The following GMDS variants were observed in gnomAD, a reference collection of about 807,000 sequenced individuals.
The protein encoded by GMDS is GDP-mannose 4,6-dehydratase.
In GMDS, 20 loss-of-function variants were observed where a neutral mutation model predicts 49.9. The ratio of observed to expected loss-of-function variants is 0.40; its 90% CI spans 0.28 to 0.58. The LOEUF is 0.58. Among genes scored for constraint, GMDS ranks in the 20% least tolerant of loss-of-function variants. GMDS has a pLI of 0.42. For synonymous variants in GMDS, 177 were observed against 178.6 expected, an observed-to-expected ratio of 0.99 and a Z score of 0.07; for missense variants, 362 against 481.4, an observed-to-expected ratio of 0.75 and a Z score of 2.32.
At chr6:2,058,126 A>G (rs1044163138) in intron 4 of GMDS, among the ~76,000 whole-genome samples, 43 of 152,200 alleles carry the variant, frequency 2.8e-4, no homozygotes, top group African/African-American at 9.9e-4. Context: ...TGGAAGGCCA[A>G]GGCAGGCGGA....
intron 1 of GMDS, among the ~76,000 whole-genome samples, chr6:2,161,947 TA>T (rs1232077274): frequency 1.3e-5 from 2 of 152,186 alleles, no homozygotes; most frequent in African/African-American, 4.8e-5. Flanking sequence ...TTGCCACAGA[TA>T]AGCTACAATA....
At chr6:1,671,952 C>T (rs1402837619) in intron 9 of GMDS, among the ~76,000 whole-genome samples, 4 of 152,170 alleles carry the variant, frequency 2.6e-5, no homozygotes, top group East Asian at 1.9e-4. Flanking sequence ...CGTGAACCAC[C>T]GCGCCTGGCC....
rs1452913912 is a variant in GMDS at position 1,742,603 on chromosome 6, G to A, written c.772-17C>T. The A allele has an allele frequency of 3.6e-6, 5 of 1,402,242 alleles. No individual in the cohort carries two copies. Among genetic ancestry groups the A allele is most frequent in the Non-Finnish European group, 5.0e-6 (5 of 990,416 alleles). 86.9% of individuals were successfully genotyped at this position (1,402,242 alleles called of 1,614,324 possible). A position where few individuals can be genotyped will look rare whatever the true frequency, so the allele number is the denominator to read the frequency against. On this transcript the variant is annotated splice_polypyrimidine_tract_variant and intron_variant, in intron 7 of 10. Transcript: ENST00000380815. ...CCACATAGCCTAGAGGGAAAGAGAG[G>A]CAAGTTCACTTTGAAGTCACACTCA... is the stretch of plus-strand genomic sequence containing the variant.
intron 1 of GMDS, among the ~76,000 whole-genome samples, chr6:2,231,547 G>C (rs765674747): frequency 6.6e-5 from 10 of 152,114 alleles, no homozygotes; most frequent in Non-Finnish European, 1.0e-4. Flanking sequence ...CTGGGCAATA[G>C]AGCCAGACCT....
intron 4 of GMDS, among the ~76,000 whole-genome samples, chr6:2,007,300 C>T (rs899836781): frequency 6.6e-6 from 1 of 152,070 alleles, no homozygotes; most frequent in African/African-American, 2.4e-5. Context: ...GCAAGTAATA[C>T]CATTACAGCA....
chr6:2,183,808 A>G (rs139408334), intron 1 of GMDS, among the ~76,000 whole-genome samples: 7 of 152,302 alleles, frequency 4.6e-5, no homozygotes, highest in African/African-American at 1.7e-4. Context: ...AGCAGCCACT[A>G]AAAGGGAGGC....
chr6:1,789,525 C>CTTTTT (rs1318382697), intron 7 of GMDS, among the ~76,000 whole-genome samples: 1 of 112,764 alleles, frequency 8.9e-6, no homozygotes, highest in Non-Finnish European at 1.8e-5. Flanking sequence ...TTTTCTTTTT[C>CTTTTT]TTTTTTCTTT....
At chr6:1,949,064 A>G in intron 6 of GMDS, 15 of 970,500 alleles carry the variant, frequency 1.5e-5, no homozygotes, top group Non-Finnish European at 1.8e-5. Context: ...TTCACTTTGG[A>G]AGGGAAGGAG....
chr6:2,187,068 T>A (rs1168827485), intron 1 of GMDS, among the ~76,000 whole-genome samples: 1 of 152,230 alleles, frequency 6.6e-6, no homozygotes, highest in Non-Finnish European at 1.5e-5. Flanking sequence ...TTGTGTATAT[T>A]GTATGAATTT....
At chr6:2,143,991 G>A (rs1395044224) in intron 1 of GMDS, among the ~76,000 whole-genome samples, 1 of 152,186 alleles carries the variant, frequency 6.6e-6, no homozygotes. Context: ...AAACAGCAAT[G>A]CAGTAAATAA....
At chr6:1,641,592 C>T (rs1434873375) in intron 9 of GMDS, among the ~76,000 whole-genome samples, 1 of 152,202 alleles carries the variant, frequency 6.6e-6, no homozygotes, top group Non-Finnish European at 1.5e-5. Context: ...GGAGCAGGCA[C>T]AGAAGGTCCC....
In GMDS at chr6:1,640,191, A is replaced by G. The variant is rs1017941097; in HGVS notation, c.988-15651T>C. 6.6e-6 allele frequency among the ~76,000 whole-genome samples: 1 copy of G among 152,102 alleles called. No homozygotes were observed. Among genetic ancestry groups the G allele is most frequent in the African/African-American group, 2.4e-5 (1 of 41,422 alleles). On this transcript the variant is annotated intron_variant, in intron 9 of 10. Transcript: ENST00000380815. The surrounding 1 kb of genome is among the most constrained non-coding windows in gnomAD (Gnocchi z 4.0). ...GCACTGTTGCCCAAGGCTCCCCCAC[A>G]TCACTCTTCAGTTCTAGCAATCTGC...
chr6:1,972,373 G>A (rs2875724), intron 4 of GMDS, among the ~76,000 whole-genome samples: 63,677 of 150,142 alleles, frequency 0.42, 13,661 homozygotes, highest in Non-Finnish European at 0.47. Flanking sequence ...TTTATCAGCT[G>A]CTGATAAATA....
chr6:1,914,305 A>C (rs1761254310), intron 7 of GMDS, among the ~76,000 whole-genome samples: 1 of 151,334 alleles, frequency 6.6e-6, no homozygotes, highest in Non-Finnish European at 1.5e-5. Flanking sequence ...AAATACAAAA[A>C]GTTAGCCTGG....
At chr6:1,760,240 G>A (rs890305482) in intron 7 of GMDS, among the ~76,000 whole-genome samples, 1 of 152,234 alleles carries the variant, frequency 6.6e-6, no homozygotes, top group Non-Finnish European at 1.5e-5. Context: ...ATTTCTTTGA[G>A]TTGGTTTCTG....
At chr6:2,207,839 A>G (rs1228735012) in intron 1 of GMDS, among the ~76,000 whole-genome samples, 1 of 151,924 alleles carries the variant, frequency 6.6e-6, no homozygotes, top group Non-Finnish European at 1.5e-5. Flanking sequence ...AATTTTCTTA[A>G]TAACTAAGGG....
chr6:1,872,487 A>T (rs981725454), intron 7 of GMDS, among the ~76,000 whole-genome samples: 5 of 152,142 alleles, frequency 3.3e-5, no homozygotes, highest in African/African-American at 1.2e-4. Flanking sequence ...GTCAGAACTA[A>T]CTCTTTTTGC....
At chr6:1,903,586 C>A (rs894557341) in intron 7 of GMDS, among the ~76,000 whole-genome samples, 2 of 152,192 alleles carry the variant, frequency 1.3e-5, no homozygotes, top group African/African-American at 4.8e-5. Context: ...TTTTTTAAAA[C>A]AATGAAACCT....
intron 4 of GMDS, among the ~76,000 whole-genome samples, chr6:2,017,836 G>C (rs1768004261): frequency 6.6e-6 from 1 of 151,886 alleles, no homozygotes; most frequent in African/African-American, 2.4e-5. Context: ...AAATTGTAAA[G>C]AAGGAAAAAA....
Sources: gnomAD v4.1 joint callset for allele counts (sites outside exome capture counted in the v4.1 genomes callset) on GRCh38, gnomAD v4.1.1 for gene constraint, Gnocchi (gnomAD v3.1) non-coding constraint, MANE v1.5 for transcripts, NCBI Gene and HGNC (gene_info 2026-07-23, HGNC 2026-07-21) for gene names.